Variants in RAP1GAP2 observed in about 807,000 individuals in gnomAD.
RAP1GAP2 encodes rap1 GTPase-activating protein 2.
RAP1GAP2 carries 27 observed loss-of-function variants against 95.0 expected under a neutral mutation model. That is an observed-to-expected ratio of 0.28 (90% confidence interval 0.21 to 0.39). The LOEUF is 0.39. RAP1GAP2 is among the 10% of genes least tolerant of loss of function. The pLI, the probability that RAP1GAP2 is intolerant of heterozygous loss-of-function variation, is 1.00. For missense variants in RAP1GAP2, 771 were observed against 970.0 expected (o/e 0.79, Z 2.72); for synonymous variants, 373 against 380.9 (o/e 0.98, Z 0.24).
chr17:2,967,495 A>G (rs896685204), intron 8 of RAP1GAP2, among the ~76,000 whole-genome samples: 1 of 152,228 alleles, frequency 6.6e-6, no homozygotes, highest in African/African-American at 2.4e-5. Context: ...GCCCTGGAAT[A>G]GACAGGGATC....
intron 14 of RAP1GAP2, among the ~76,000 whole-genome samples, chr17:3,001,376 G>C (rs2151593881): frequency 8.2e-6 from 1 of 122,012 alleles, no homozygotes; most frequent in Admixed American, 8.1e-5. Context: ...GCTGAAGTGA[G>C]GCTCGTGGAG....
chr17:2,899,002 A>T (rs2041934724), intron 2 of RAP1GAP2, among the ~76,000 whole-genome samples: 1 of 150,810 alleles, frequency 6.6e-6, no homozygotes, highest in African/African-American at 2.5e-5. Context: ...GCAACCTCTC[A>T]TCACCGTTCT....
At chr17:3,007,040 A>G (rs1340233833) in intron 16 of RAP1GAP2, among the ~76,000 whole-genome samples, 2 of 152,102 alleles carry the variant, frequency 1.3e-5, no homozygotes, top group Admixed American at 6.6e-5. Flanking sequence ...TTCTGCCAGG[A>G]GGAAAGAGTG....
chr17:2,927,426 T>C (rs1315792963), intron 3 of RAP1GAP2, among the ~76,000 whole-genome samples: 1 of 152,198 alleles, frequency 6.6e-6, no homozygotes, highest in South Asian at 2.1e-4. Flanking sequence ...GTGCTGGGAT[T>C]ACAGGCGTGA....
rs1357989930 is a variant in RAP1GAP2, at chr17:2,902,286, A to G, written c.81-2998A>G. ...AGCTGGAGTGCAGTGGCACGATCTC[A>G]GCTCACTGCAACCTCCACCTCTTGG... On this transcript the variant is annotated intron_variant, in intron 2 of 24. Transcript: ENST00000254695. The surrounding 1 kb of genome is among the most constrained non-coding windows in gnomAD (Gnocchi z 4.1). Among the ~76,000 whole-genome samples the G allele has an allele frequency of 6.6e-6, 1 of 151,104 alleles. No individual in the cohort carries two copies. Among genetic ancestry groups the G allele is most frequent in the African/African-American group, 2.4e-5 (1 of 41,028 alleles).
At position 2,906,888 on chromosome 17, in the gene RAP1GAP2, T is replaced by A. The variant is rs1346842836; in HGVS notation, c.165+1520T>A. ...CTCTTGGTTGTAAGTGACAGAAACA[T>A]AACTCACTCTGGCTTAGTCATAAAA... On this transcript the variant is annotated intron_variant, in intron 3 of 24. Transcript: ENST00000254695. This position sits in a 1 kb window ranked among gnomAD's most constrained non-coding sequence, Gnocchi z 4.3. 6.6e-6 allele frequency among the ~76,000 whole-genome samples: 1 copy of A among 152,160 alleles called. No homozygotes were observed. The highest frequency in any genetic ancestry group is 6.5e-5 in the Admixed American group (1 of 15,274).
chr17:2,967,350 G>A (rs566101015), intron 8 of RAP1GAP2, among the ~76,000 whole-genome samples: 89 of 152,188 alleles, frequency 5.8e-4, no homozygotes, highest in Non-Finnish European at 1.0e-3. Context: ...CAGCCTGGGC[G>A]ACAGAGTGAG....
intron 3 of RAP1GAP2, among the ~76,000 whole-genome samples, chr17:2,926,383 T>C (rs1397260166): frequency 2.0e-5 from 3 of 151,984 alleles, no homozygotes; most frequent in Admixed American, 6.6e-5. Context: ...AAGTCAGGAG[T>C]GTACACTTGG....
chr17:2,992,397 T>G (rs1228348593), intron 12 of RAP1GAP2, among the ~76,000 whole-genome samples: 1 of 151,666 alleles, frequency 6.6e-6, no homozygotes, highest in Admixed American at 6.6e-5. Context: ...CCTGACCTCA[T>G]GATCCGCCCG....
intron 2 of RAP1GAP2, among the ~76,000 whole-genome samples, chr17:2,830,439 G>C (rs2070773546): frequency 6.7e-6 from 1 of 148,820 alleles, no homozygotes; most frequent in African/African-American, 2.5e-5. Flanking sequence ...AAGATGGCCG[G>C]GTGTGGTGGC....
chr17:2,852,361 G>A (rs2071893348), intron 2 of RAP1GAP2, among the ~76,000 whole-genome samples: 1 of 152,040 alleles, frequency 6.6e-6, no homozygotes. Flanking sequence ...GGGGGCACAA[G>A]GCCAGTGGTA....
intron 18 of RAP1GAP2, among the ~76,000 whole-genome samples, chr17:3,020,236 G>A (rs553580999): frequency 2.6e-5 from 4 of 152,296 alleles, no homozygotes; most frequent in Middle Eastern, 3.4e-3. Flanking sequence ...AACAGTTGTG[G>A]TCTTTGGTGG....
At chr17:3,002,302 C>T (rs760050151) in intron 14 of RAP1GAP2, among the ~76,000 whole-genome samples, 6 of 152,194 alleles carry the variant, frequency 3.9e-5, no homozygotes, top group Non-Finnish European at 8.8e-5. Flanking sequence ...CAGCATTGTC[C>T]TCAGAGGGGT....
In RAP1GAP2 at chr17:3,027,152, G is replaced by C; in HGVS notation, c.2107+82G>C. The C allele has an allele frequency of 2.0e-6, 3 of 1,465,248 alleles. No individual in the cohort carries two copies. Among genetic ancestry groups the C allele is most frequent in the Non-Finnish European group, 1.8e-6 (2 of 1,096,854 alleles). 90.8% of individuals were successfully genotyped at this position (1,465,248 alleles called of 1,614,324 possible). ...CCACTGTTAGCAGGGCCCCAGCCACGCTGAACTGGCCAGTTTTCACCCCTC... is the reference window on the plus strand; with the variant it reads ...CCACTGTTAGCAGGGCCCCAGCCACCCTGAACTGGCCAGTTTTCACCCCTC... On this transcript the variant is annotated intron_variant, in intron 22 of 24. Coordinates refer to ENST00000254695, the MANE Select transcript of RAP1GAP2 (RefSeq NM_015085.5). This position sits in a 1 kb window ranked among gnomAD's most constrained non-coding sequence, Gnocchi z 5.2.
At position 2,944,984 on chromosome 17, in the gene RAP1GAP2, G is replaced by A. The variant is rs539864956; in HGVS notation, c.166-12775G>A. On this transcript the variant is annotated intron_variant, in intron 3 of 24. Coordinates refer to ENST00000254695, the MANE Select transcript of RAP1GAP2 (RefSeq NM_015085.5). ...TGCAAGCTCTGTCTCCCGGGTTCACGTCATTCTCCTGCCTCAGTAGCTGGG... is the reference window on the plus strand; with the variant it reads ...TGCAAGCTCTGTCTCCCGGGTTCACATCATTCTCCTGCCTCAGTAGCTGGG... Among the ~76,000 whole-genome samples the A allele has an allele frequency of 3.1e-4, 47 of 152,220 alleles. No homozygotes were observed. In the East Asian group the frequency reaches 8.9e-3, roughly 29 times the overall value.
chr17:2,862,289 G>A (rs766307038), intron 2 of RAP1GAP2, among the ~76,000 whole-genome samples: 14 of 152,148 alleles, frequency 9.2e-5, no homozygotes, highest in African/African-American at 2.7e-4. Context: ...GGCAGTGGGC[G>A]TCTGAATTAG....
In RAP1GAP2 at chr17:2,930,894, C is replaced by T. The variant is rs547329789; in HGVS notation, c.165+25526C>T. On this transcript the variant is annotated intron_variant, in intron 3 of 24. Coordinates refer to ENST00000254695, the MANE Select transcript of RAP1GAP2 (RefSeq NM_015085.5). ...ATCCCAGCACTTTGGGAGGCCGAGG[C>T]GGGCAGATCACTTGAGGTCAGGAGT... 2.4e-4 allele frequency among the ~76,000 whole-genome samples: 37 copies of T among 152,222 alleles called. No homozygotes were observed. The East Asian group carries it at 6.4e-3, about 26-fold the overall frequency.
chr17:2,847,064 A>G (rs552959920), intron 2 of RAP1GAP2, among the ~76,000 whole-genome samples: 2 of 152,304 alleles, frequency 1.3e-5, no homozygotes, highest in Non-Finnish European at 2.9e-5. Flanking sequence ...GTTGGAGTGC[A>G]GTGGCGCGAT....
intron 2 of RAP1GAP2, among the ~76,000 whole-genome samples, chr17:2,876,122 A>G (rs2073088828): frequency 6.6e-6 from 1 of 151,752 alleles, no homozygotes. Context: ...TATTTTTAGT[A>G]GAGACGGGGT....
Sources: gnomAD v4.1 joint callset for allele counts (sites outside exome capture counted in the v4.1 genomes callset) on GRCh38, gnomAD v4.1.1 for gene constraint, Gnocchi (gnomAD v3.1) non-coding constraint, MANE v1.5 for transcripts, NCBI Gene and HGNC (gene_info 2026-07-23, HGNC 2026-07-21) for gene names.